Variants in LRBA observed in about 807,000 individuals in gnomAD.
The protein encoded by LRBA is lipopolysaccharide-responsive and beige-like anchor protein.
A neutral mutation model predicts 330.0 loss-of-function variants in LRBA; 176 were observed. That is an observed-to-expected ratio of 0.53 (90% CI 0.47 to 0.60). The LOEUF is 0.60. Among genes scored for constraint, LRBA ranks in the 20% least tolerant of loss-of-function variants. LRBA has a pLI of 0.00. For synonymous variants in LRBA, 1,230 were observed against 1,193.0 expected (o/e 1.03, Z -0.64); for missense variants, 3,259 against 3,444.8 (o/e 0.95, Z 1.35).
intron 22 of LRBA, among the ~76,000 whole-genome samples, chr4:150,857,089 C>T (rs1408375725): frequency 6.6e-6 from 1 of 152,080 alleles, no homozygotes; most frequent in Non-Finnish European, 1.5e-5. Context: ...GCAAAGGCAT[C>T]TTTTTCAGTG....
intron 42 of LRBA, among the ~76,000 whole-genome samples, chr4:150,474,092 A>G (rs1242172046): frequency 6.6e-6 from 1 of 152,072 alleles, no homozygotes; most frequent in African/African-American, 2.4e-5. Flanking sequence ...TTTCTTTCTG[A>G]CATTTTATAG....
chr4:150,443,853 A>AAATATATAT (rs70941406), intron 44 of LRBA, among the ~76,000 whole-genome samples: 1 of 75,468 alleles, frequency 1.3e-5, no homozygotes, highest in African/African-American at 3.9e-5. Flanking sequence ...TAATTAAAAA[A>AAATATATAT]ATATATATAT....
At chr4:150,325,044 GA>G (rs1199617639) in intron 49 of LRBA, among the ~76,000 whole-genome samples, 2 of 152,060 alleles carry the variant, frequency 1.3e-5, no homozygotes. Context: ...TTTGACCAAT[GA>G]AATGTGGCAT....
chr4:150,367,858 T>C (rs930591579), intron 47 of LRBA, among the ~76,000 whole-genome samples: 2 of 152,160 alleles, frequency 1.3e-5, no homozygotes, highest in South Asian at 4.1e-4. Flanking sequence ...ATATTCTCCT[T>C]ATACTGATAA....
chr4:150,900,809 A>G (rs1320813204), intron 13 of LRBA, among the ~76,000 whole-genome samples: 1 of 152,226 alleles, frequency 6.6e-6, no homozygotes, highest in African/African-American at 2.4e-5. Context: ...CATTTTAATC[A>G]TAACATTATA....
chr4:150,528,660 G>A (rs1763740055), intron 40 of LRBA, among the ~76,000 whole-genome samples: 1 of 152,026 alleles, frequency 6.6e-6, no homozygotes, highest in Admixed American at 6.6e-5. Flanking sequence ...GTCAAGGAAC[G>A]AGGTAGAGGA....
At chr4:150,864,581 C>T (rs576442116) in intron 22 of LRBA, among the ~76,000 whole-genome samples, 2 of 150,784 alleles carry the variant, frequency 1.3e-5, no homozygotes, top group Non-Finnish European at 2.9e-5. Flanking sequence ...CACCCTCATA[C>T]AGCTATGCAG....
In LRBA at chr4:150,976,029, G is replaced by C. The variant is rs76847518; in HGVS notation, c.216+38398C>G. Among the ~76,000 whole-genome samples, 56 of 152,020 alleles carry C rather than the reference G, an allele frequency of 3.7e-4. No homozygotes were observed. The East Asian group carries it at 0.011, about 29-fold the overall frequency. ...ATTAAAAAAATAAAATAAAAACTTA[G>C]CTGGGCGTGGCAGCACACACCTGTA... is the stretch of plus-strand genomic sequence containing the variant. On this transcript the variant is annotated intron_variant, in intron 2 of 56. Coordinates refer to ENST00000651943, the MANE Select transcript of LRBA (RefSeq NM_001364905.1).
chr4:150,999,188 G>A (rs1388931867), intron 2 of LRBA, among the ~76,000 whole-genome samples: 1 of 152,150 alleles, frequency 6.6e-6, no homozygotes, highest in Non-Finnish European at 1.5e-5. Flanking sequence ...CATTACAACT[G>A]CTGAAGAGGC....
chr4:150,383,299 TGCAGTG>T (rs1221003127), intron 47 of LRBA, among the ~76,000 whole-genome samples: 6 of 152,178 alleles, frequency 3.9e-5, no homozygotes, highest in Admixed American at 2.6e-4. Flanking sequence ...CAGGCTGGAG[TGCAGTG>T]GCGCAATCAT....
chr4:150,704,380 T>A (rs1048527989), intron 36 of LRBA, among the ~76,000 whole-genome samples: 39 of 151,854 alleles, frequency 2.6e-4, no homozygotes, highest in African/African-American at 8.7e-4. Flanking sequence ...TCATTATTAT[T>A]ATTATTATTT....
At chr4:150,543,682 G>A (rs1262204285) in intron 40 of LRBA, among the ~76,000 whole-genome samples, 1 of 151,978 alleles carries the variant, frequency 6.6e-6, no homozygotes, top group Admixed American at 6.6e-5. Flanking sequence ...ATTTATGATT[G>A]CTTCCCGAGA....
chr4:150,554,020 T>A (rs1766964985), intron 40 of LRBA, among the ~76,000 whole-genome samples: 2 of 152,178 alleles, frequency 1.3e-5, no homozygotes, highest in Non-Finnish European at 2.9e-5. Flanking sequence ...TTCTAAAGGA[T>A]GTCTAGTGAT....
chr4:150,949,716 T>C (rs1736622017), intron 2 of LRBA, among the ~76,000 whole-genome samples: 1 of 151,810 alleles, frequency 6.6e-6, no homozygotes, highest in Admixed American at 6.6e-5. Context: ...TTAACCTAAA[T>C]GAATCTTCAA....
chr4:150,818,265 G>A (rs1434692914), intron 30 of LRBA, among the ~76,000 whole-genome samples: 1 of 151,904 alleles, frequency 6.6e-6, no homozygotes, highest in Non-Finnish European at 1.5e-5. Context: ...AGCAAAATAG[G>A]TTTCGTTTTA....
At chr4:150,591,752 A>G (rs1472498970) in intron 38 of LRBA, among the ~76,000 whole-genome samples, 2 of 152,062 alleles carry the variant, frequency 1.3e-5, no homozygotes, top group African/African-American at 4.8e-5. Flanking sequence ...CAGATGGAGG[A>G]AAAGAGAACA....
Position 150,665,464 on chromosome 4 carries a change from G to A in LRBA, c.5921+18087C>T, listed in dbSNP as rs192099430. ...CCCTTTGTAAAGGATGAGACGCTAC[G>A]TTAACACTTTTCTGCAAAGTTATAT... On this transcript the variant is annotated intron_variant, in intron 37 of 56. Transcript: ENST00000651943. Among the ~76,000 whole-genome samples the A allele has an allele frequency of 6.6e-5, 10 of 152,152 alleles. No homozygotes were observed. In the East Asian group the frequency reaches 1.2e-3, roughly 18 times the overall value.
chr4:150,915,938 A>G (rs1732536778), intron 7 of LRBA, among the ~76,000 whole-genome samples: 1 of 152,130 alleles, frequency 6.6e-6, no homozygotes, highest in Non-Finnish European at 1.5e-5. Flanking sequence ...TCATTTTTCC[A>G]GCTTTTTATT....
chr4:150,956,275 A>G (rs1209741823), intron 2 of LRBA, among the ~76,000 whole-genome samples: 4 of 149,078 alleles, frequency 2.7e-5, no homozygotes, highest in Non-Finnish European at 5.9e-5. Flanking sequence ...CTTAGATAAA[A>G]GGAGCAAATT....
Sources: allele counts gnomAD v4.1 joint callset (sites outside exome capture counted in the v4.1 genomes callset), GRCh38; gene constraint gnomAD v4.1.1; transcripts MANE v1.5; gene names NCBI Gene and HGNC (gene_info 2026-07-23, HGNC 2026-07-21).